KAZN: variants seen among roughly 807,000 people sequenced by gnomAD.
KAZN encodes the protein kazrin, periplakin interacting protein, also known as kazrin.
A neutral mutation model predicts 87.4 loss-of-function variants in KAZN; 40 were observed. The observed-to-expected ratio is 0.46, with a 90% CI of 0.36 to 0.60. The LOEUF is 0.60. KAZN is among the 20% of genes least tolerant of loss of function. KAZN has a pLI of 0.00. For missense variants in KAZN, 898 were observed against 1,073.9 expected (o/e 0.84, Z 2.29); for synonymous variants, 466 against 458.3 (o/e 1.02, Z -0.22).
chr1:14,646,462 G>A (rs2148685564), intron 1 of KAZN, among the ~76,000 whole-genome samples: 1 of 152,308 alleles, frequency 6.6e-6, no homozygotes, highest in South Asian at 2.1e-4. Context: ...GAAGCATGGT[G>A]ATAGTGAGGG....
intron 1 of KAZN, among the ~76,000 whole-genome samples, chr1:13,953,385 A>G (rs1641426299): frequency 6.6e-6 from 1 of 152,190 alleles, no homozygotes; most frequent in African/African-American, 2.4e-5. Context: ...TGCAAAGATC[A>G]TTATGAAGGA....
intron 2 of KAZN, among the ~76,000 whole-genome samples, chr1:14,258,541 A>G (rs1312477453): frequency 2.0e-5 from 3 of 152,094 alleles, no homozygotes; most frequent in Non-Finnish European, 2.9e-5. Flanking sequence ...AAAAAAACAC[A>G]GAGTTCAACT....
intron 2 of KAZN, among the ~76,000 whole-genome samples, chr1:14,510,888 G>C (rs1051365795): frequency 3.3e-4 from 50 of 152,136 alleles, no homozygotes; most frequent in Non-Finnish European, 1.3e-4. Context: ...GGATGACTCT[G>C]AACAATTCAA....
At chr1:14,252,619 T>C (rs542256575) in intron 2 of KAZN, among the ~76,000 whole-genome samples, 22 of 152,314 alleles carry the variant, frequency 1.4e-4, no homozygotes, top group African/African-American at 5.3e-4. Flanking sequence ...TTGGTATACA[T>C]TCCCTACTCC....
intron 2 of KAZN, among the ~76,000 whole-genome samples, chr1:14,335,260 TG>T (rs1243618901): frequency 1.3e-5 from 2 of 151,144 alleles, no homozygotes; most frequent in Admixed American, 1.3e-4. Context: ...TAGAATGTAG[TG>T]GTGCGATCTC....
chr1:14,077,113 G>T (rs891317257), intron 1 of KAZN, among the ~76,000 whole-genome samples: 2 of 152,094 alleles, frequency 1.3e-5, no homozygotes, highest in Admixed American at 1.3e-4. Flanking sequence ...CCTTGTGATT[G>T]CCAGGAAGGT....
intron 2 of KAZN, among the ~76,000 whole-genome samples, chr1:14,455,061 A>AAG (rs5772583): frequency 0.048 from 7,203 of 151,538 alleles, 265 homozygotes; most frequent in African/African-American, 0.11. Flanking sequence ...TCCCCAGAGA[A>AAG]AGAGATCCAA....
intron 2 of KAZN, among the ~76,000 whole-genome samples, chr1:14,517,628 T>C (rs1273150335): frequency 6.6e-6 from 1 of 152,194 alleles, no homozygotes; most frequent in Non-Finnish European, 1.5e-5. Context: ...GCTACAATCA[T>C]GAGAAACACC....
chr1:14,451,584 A>AAGAGAG (rs5772582), intron 2 of KAZN, among the ~76,000 whole-genome samples: 145 of 148,640 alleles, frequency 9.8e-4, no homozygotes, highest in Middle Eastern at 3.4e-3. Flanking sequence ...CAGTTTCAGA[A>AAGAGAG]AGAGAGAGAG....
chr1:13,926,922 T>C (rs1640301768), intron 1 of KAZN, among the ~76,000 whole-genome samples: 1 of 152,144 alleles, frequency 6.6e-6, no homozygotes, highest in Admixed American at 6.6e-5. Flanking sequence ...GCTATGGTGC[T>C]CAAAGAAAAA....
intron 1 of KAZN, among the ~76,000 whole-genome samples, chr1:14,060,316 TCGCGCCACTGCAGTCCAGCCTG>T (rs1338486303): frequency 5.8e-5 from 8 of 138,490 alleles, no homozygotes; most frequent in Non-Finnish European, 1.0e-4. Context: ...TGAGCCGAGA[TCGCGCCACTGCAGTCCAGCCTG>T]GGCGACAGAG....
chr1:14,123,841 A>G (rs1644802649), intron 1 of KAZN, among the ~76,000 whole-genome samples: 1 of 152,120 alleles, frequency 6.6e-6, no homozygotes, highest in African/African-American at 2.4e-5. Flanking sequence ...CAAGGACAGA[A>G]AGTGATGGAA....
At chr1:14,488,371 A>T (rs1180855498) in intron 2 of KAZN, among the ~76,000 whole-genome samples, 2 of 151,976 alleles carry the variant, frequency 1.3e-5, no homozygotes, top group Non-Finnish European at 2.9e-5. Context: ...GAACAATTCC[A>T]CTCTGGCCCA....
chr1:14,943,253 C>T (rs1239599671), intron 1 of KAZN, among the ~76,000 whole-genome samples: 2 of 151,924 alleles, frequency 1.3e-5, no homozygotes, highest in African/African-American at 2.4e-5. Flanking sequence ...AGTTCCGTCT[C>T]TACCTTTTTC....
chr1:14,850,022 G>A (rs762077602), intron 1 of KAZN, among the ~76,000 whole-genome samples: 3 of 143,610 alleles, frequency 2.1e-5, no homozygotes, highest in South Asian at 2.4e-4. Flanking sequence ...TGCAACCTCC[G>A]CCTCCCAAGT....
At chr1:14,165,020 T>C (rs558841997) in intron 1 of KAZN, among the ~76,000 whole-genome samples, 1 of 151,646 alleles carries the variant, frequency 6.6e-6, no homozygotes, top group African/African-American at 2.4e-5. Context: ...CATGATTATA[T>C]GTCAAATTAC....
At position 14,187,977 on chromosome 1, in the gene KAZN, C is replaced by T. The variant is rs4636456; in HGVS notation, c.249+7385C>T. Among the ~76,000 whole-genome samples the T allele has an allele frequency of 2.2e-3, 330 of 152,116 alleles. 1 individual carries two copies. Among genetic ancestry groups the T allele is most frequent in the African/African-American group, 7.8e-3 (322 of 41,488 alleles). ...TGTTGCCAGCCTATGGGGGAAACAC[C>T]GGTGAAGATGAAAGGAGTAATCCTT... On this transcript the variant is annotated intron_variant, in intron 2 of 16. Transcript: ENST00000636203.
chr1:14,366,702 A>G (rs1660030094), intron 2 of KAZN, among the ~76,000 whole-genome samples: 1 of 152,250 alleles, frequency 6.6e-6, no homozygotes, highest in South Asian at 2.1e-4. Flanking sequence ...CCCAGAAGGC[A>G]TGTGTTACAG....
intron 1 of KAZN, among the ~76,000 whole-genome samples, chr1:14,778,401 A>C (rs1479688629): frequency 2.6e-5 from 4 of 151,924 alleles, no homozygotes; most frequent in African/African-American, 9.7e-5. Flanking sequence ...AAGAAAAAAA[A>C]AAAAAAAAAA....
Sources: allele counts gnomAD v4.1 joint callset (sites outside exome capture counted in the v4.1 genomes callset), GRCh38; gene constraint gnomAD v4.1.1; transcripts MANE v1.5; gene names NCBI Gene and HGNC (gene_info 2026-07-23, HGNC 2026-07-21).